Variants in PTPN14 observed in about 807,000 individuals in gnomAD.
The protein encoded by PTPN14 is protein tyrosine phosphatase non-receptor type 14, also known as tyrosine-protein phosphatase non-receptor type 14.
In PTPN14, 53 loss-of-function variants were observed where a neutral mutation model predicts 126.8. The observed-to-expected ratio is 0.42, with a 90% CI of 0.34 to 0.53. The LOEUF is 0.53. Ranked by LOEUF, PTPN14 falls within the 20% of genes least tolerant of loss-of-function variation. The probability of loss-of-function intolerance (pLI) is 0.08; values close to 1 mark genes in which losing one functional copy is unlikely to be tolerated. For synonymous variants in PTPN14, 630 were observed against 599.3 expected (o/e 1.05, Z -0.75); for missense variants, 1,257 against 1,552.9 (o/e 0.81, Z 3.20).
intron 1 of PTPN14, among the ~76,000 whole-genome samples, chr1:214,550,325 C>G (rs1656076083): frequency 6.6e-6 from 1 of 152,206 alleles, no homozygotes; most frequent in South Asian, 2.1e-4. Flanking sequence ...GATTCCTCAC[C>G]TTCACAAAGA....
intron 1 of PTPN14, among the ~76,000 whole-genome samples, chr1:214,512,882 A>G (rs867325017): frequency 5.3e-5 from 8 of 151,942 alleles, no homozygotes; most frequent in Non-Finnish European, 8.8e-5. Flanking sequence ...TGTAGAGACA[A>G]GTTTTTGCCA....
chr1:214,476,143 C>A (rs1213964404), intron 1 of PTPN14, among the ~76,000 whole-genome samples: 1 of 152,146 alleles, frequency 6.6e-6, no homozygotes, highest in Admixed American at 6.5e-5. Context: ...GGGTCCCATC[C>A]CAGCCATAGC....
chr1:214,529,195 T>C (rs1237850283), intron 1 of PTPN14: 1 of 152,194 alleles, frequency 6.6e-6, no homozygotes, highest in Non-Finnish European at 1.5e-5. Context: ...CGCATGTCTG[T>C]AGCCCCAGAT....
chr1:214,484,923 G>A (rs1465256556), intron 1 of PTPN14, among the ~76,000 whole-genome samples: 1 of 152,194 alleles, frequency 6.6e-6, no homozygotes, highest in Non-Finnish European at 1.5e-5. Flanking sequence ...AGCAGTTGGA[G>A]GTGTGTGGGA....
intron 1 of PTPN14, chr1:214,482,785 T>G (rs1661022925): frequency 6.2e-7 from 1 of 1,601,054 alleles, no homozygotes. Context: ...GGATTTTACC[T>G]GGGAGTGGCC....
intron 1 of PTPN14, among the ~76,000 whole-genome samples, chr1:214,514,510 T>C (rs1002315852): frequency 2.0e-5 from 3 of 152,094 alleles, no homozygotes; most frequent in Admixed American, 1.3e-4. Context: ...CACCAGGGAA[T>C]TTGTAAAGGT....
intron 15 of PTPN14, among the ~76,000 whole-genome samples, chr1:214,375,509 T>C (rs969548429): frequency 1.3e-5 from 2 of 152,224 alleles, no homozygotes; most frequent in African/African-American, 4.8e-5. Context: ...TAACAGGGAC[T>C]CTGAGGAAGG....
At chr1:214,394,610 A>G (rs1571971547) in intron 9 of PTPN14, among the ~76,000 whole-genome samples, 1 of 151,994 alleles carries the variant, frequency 6.6e-6, no homozygotes, top group Non-Finnish European at 1.5e-5. Context: ...GTTTCGCCAT[A>G]TTGGCCAGGC....
chr1:214,529,464 T>C (rs142461867), intron 1 of PTPN14: 30 of 152,384 alleles, frequency 2.0e-4, no homozygotes, highest in African/African-American at 7.0e-4. Flanking sequence ...GGCTATCTAT[T>C]TGACAACTGA....
chr1:214,412,599 T>TG (rs2102582076), intron 4 of PTPN14, among the ~76,000 whole-genome samples: 1 of 152,318 alleles, frequency 6.6e-6, no homozygotes, highest in East Asian at 1.9e-4. Context: ...GTTCAATAAT[T>TG]GGTTATCACA....
intron 15 of PTPN14, among the ~76,000 whole-genome samples, chr1:214,375,564 T>G (rs192423776): frequency 6.6e-6 from 1 of 152,238 alleles, no homozygotes; most frequent in African/African-American, 2.4e-5. Flanking sequence ...CATGTATCCA[T>G]AAGTCAAAGT....
At position 214,391,010 on chromosome 1, in the gene PTPN14, G is replaced by A; in HGVS notation, c.965C>T (p.Pro322Leu). ...SNSPPPIRRQ[P>L]TWSRSSLPRQ... ...TACCAGAGAGGATCGGCTCCAGGTG[G>A]GCTGGCGTCTGATGGGGGGTGGAGA... The change falls in exon 11 of 19, where the codon CCC (proline) becomes CTC (leucine). Residue 322 changes from proline (P) to leucine (L), a missense_variant. Around this residue, in one of 3 missense-constraint regions of PTPN14, gnomAD observed 1,021 missense variants for 1,183.3 expected, o/e 0.86. Coordinates refer to ENST00000366956, the MANE Select transcript of PTPN14 (RefSeq NM_005401.5). 6.3e-7 allele frequency: 1 copy of A among 1,586,898 alleles called. No individual in the cohort carries two copies. Among genetic ancestry groups the A allele is most frequent in the Non-Finnish European group, 8.6e-7 (1 of 1,161,400 alleles).
intron 3 of PTPN14, among the ~76,000 whole-genome samples, chr1:214,436,786 C>CAAAAAAAAAAAAAA (rs1159209240): frequency 8.6e-4 from 40 of 46,628 alleles, no homozygotes; most frequent in African/African-American, 3.0e-3. Context: ...GACTCCGTCT[C>CAAAAAAAAAAAAAA]AAAAAAAAAA....
rs61749333 is a variant in PTPN14 at position 214,369,591 on chromosome 1, G to C, written c.3137C>G (p.Thr1046Arg). 2,587 of 1,614,154 alleles carry C rather than the reference G, an allele frequency of 1.6e-3. 6 individuals are homozygous for C. The highest frequency in any genetic ancestry group is 2.6e-3 in the South Asian group (241 of 91,078). ...GKFKVTTKFR[T>R]DSVCYATTGL... ...CGTGGTTGCATAGCAAACAGAATCC[G>C]TTCGAAACTTCGTGGTGACCTTGAA... Residue 1046 changes from threonine to arginine, a missense_variant, in exon 17 of 19, where the codon ACG (threonine) becomes AGG (arginine). By Grantham distance (71) the Thr-to-Arg change is moderately conservative. This residue lies in a region of PTPN14 where 171 missense variants were observed against 229.8 expected (regional missense o/e 0.74). Transcript: ENST00000366956.
chr1:214,540,534 T>G (rs1655809990), intron 1 of PTPN14, among the ~76,000 whole-genome samples: 1 of 152,140 alleles, frequency 6.6e-6, no homozygotes, highest in African/African-American at 2.4e-5. Context: ...CAGCTTCTCC[T>G]CTAAATGGAG....
chr1:214,352,270 A>T lies in PTPN14; in HGVS notation c.*5652T>A, dbSNP rs1219111856. 1 of 152,180 alleles carries T rather than the reference A, an allele frequency of 6.6e-6. No individual in the cohort carries two copies. Among genetic ancestry groups the T allele is most frequent in the Non-Finnish European group, 1.5e-5 (1 of 68,032 alleles). The allele number at this position is 152,180 out of a possible 1,614,324, so 9.4% of individuals were successfully genotyped here. ...TGGACATTTTAATAGAGAATATCTT[A>T]GTTTGGCTTTGAGAAAGAAGATGCA... On this transcript the variant is annotated 3_prime_UTR_variant, in exon 19 of 19. Coordinates refer to ENST00000366956, the MANE Select transcript of PTPN14 (RefSeq NM_005401.5).
chr1:214,467,356 A>G (rs563367806), intron 1 of PTPN14, among the ~76,000 whole-genome samples: 1 of 152,220 alleles, frequency 6.6e-6, no homozygotes, highest in Non-Finnish European at 1.5e-5. Flanking sequence ...TGTGGGCACA[A>G]GCCACATTTC....
At chr1:214,444,842 C>T (rs4472734) in intron 3 of PTPN14, among the ~76,000 whole-genome samples, 63,722 of 151,932 alleles carry the variant, frequency 0.42, 13,491 homozygotes, top group East Asian at 0.52. Flanking sequence ...GGCCCAAATA[C>T]GTAACTGGAA....
chr1:214,514,623 C>T (rs1417451084), intron 1 of PTPN14, among the ~76,000 whole-genome samples: 1 of 152,068 alleles, frequency 6.6e-6, no homozygotes, highest in Non-Finnish European at 1.5e-5. Context: ...TTAATGTGCT[C>T]CCGGGCAGGC....
Sources: allele counts gnomAD v4.1 joint callset (sites outside exome capture counted in the v4.1 genomes callset), GRCh38; gene constraint gnomAD v4.1.1; regional missense constraint gnomAD v4.1.1; transcripts MANE v1.5; gene names NCBI Gene and HGNC (gene_info 2026-07-23, HGNC 2026-07-21).